Variants in PDE8B observed in about 807,000 individuals in gnomAD.
PDE8B encodes the protein phosphodiesterase 8B, also known as high affinity cAMP-specific and IBMX-insensitive 3',5'-cyclic phosphodiesterase 8B.
In PDE8B, 26 loss-of-function variants were observed where a neutral mutation model predicts 101.3. That is an observed-to-expected ratio of 0.26 (90% CI 0.19 to 0.36). The LOEUF is 0.36. Among genes scored for constraint, PDE8B ranks in the 10% least tolerant of loss-of-function variants. The pLI is 1.00. For missense variants in PDE8B, 810 were observed against 1,163.1 expected, an observed-to-expected ratio of 0.70 and a Z score of 4.42; for synonymous variants, 424 against 429.3, an observed-to-expected ratio of 0.99 and a Z score of 0.15.
chr5:77,131,048 G>A, the PDE8B span: 2 of 152,530 alleles, frequency 1.3e-5, no homozygotes, highest in African/African-American at 4.8e-5. Context: ...TACCTGCAAT[G>A]TCTCTAACCT....
At chr5:77,109,083 CT>C in the PDE8B span, among the ~76,000 whole-genome samples, 1 of 152,130 alleles carries the variant, frequency 6.6e-6, no homozygotes, top group African/African-American at 2.4e-5. Context: ...GAGTTTTGTT[CT>C]GAGGCAAAGG....
the PDE8B span, among the ~76,000 whole-genome samples, chr5:77,093,915 G>T: frequency 3.3e-5 from 5 of 152,028 alleles, no homozygotes; most frequent in African/African-American, 1.2e-4. Context: ...TTTGGCCGCC[G>T]GGAGGGCTGA....
chr5:77,356,902 C>T (rs572010520), intron 10 of PDE8B, among the ~76,000 whole-genome samples: 5 of 152,236 alleles, frequency 3.3e-5, no homozygotes, highest in South Asian at 2.1e-4. Flanking sequence ...TTGCAGGTGA[C>T]GGGATGCTAA....
Position 77,351,161 on chromosome 5 carries a change from C to T in PDE8B, c.1106+8C>T, listed in dbSNP as rs1307776040. On this transcript the variant is annotated splice_region_variant and intron_variant, in intron 9 of 21. Transcript: ENST00000264917. ...AGTGATTGGCCAAGGAGGGTGAGAG[C>T]AAACTGTTCAACTCTTTTAGCTGAA... 6.3e-7 allele frequency: 1 copy of T among 1,594,818 alleles called. No homozygotes were observed. Among genetic ancestry groups the T allele is most frequent in the Admixed American group, 1.7e-5 (1 of 60,008 alleles).
intron 10 of PDE8B, among the ~76,000 whole-genome samples, chr5:77,355,808 A>C (rs1782004707): frequency 1.3e-5 from 2 of 152,384 alleles, no homozygotes; most frequent in South Asian, 2.1e-4. Context: ...ATGTGAATCA[A>C]GCACTGGAGG....
the PDE8B span, among the ~76,000 whole-genome samples, chr5:77,204,317 G>A: frequency 2.0e-5 from 3 of 151,284 alleles, no homozygotes; most frequent in Admixed American, 6.6e-5. Context: ...AGGCTGAGGC[G>A]GGAGAATCAC....
chr5:77,401,543 T>A (rs1792281799), intron 11 of PDE8B, among the ~76,000 whole-genome samples: 1 of 152,238 alleles, frequency 6.6e-6, no homozygotes, highest in Admixed American at 6.5e-5. Context: ...CTTAAATTTC[T>A]TATCAGTAAA....
chr5:77,307,430 T>C (rs892726412), intron 1 of PDE8B, among the ~76,000 whole-genome samples: 2 of 152,134 alleles, frequency 1.3e-5, no homozygotes, highest in Admixed American at 6.5e-5. Flanking sequence ...CAAGCAAAAG[T>C]GAGTGATAGA....
the PDE8B span, among the ~76,000 whole-genome samples, chr5:77,166,218 G>A: frequency 4.4e-5 from 4 of 90,190 alleles, no homozygotes; most frequent in Admixed American, 1.1e-4. Flanking sequence ...AGATTCTTTC[G>A]GTAAAGATAA....
upstream of PDE8B, among the ~76,000 whole-genome samples, chr5:77,209,673 G>A (rs1747848452): frequency 6.6e-6 from 1 of 152,158 alleles, no homozygotes; most frequent in African/African-American, 2.4e-5. Context: ...GCCTCACCAA[G>A]GAGAATGAGG....
chr5:77,374,842 C>T (rs1184612880), intron 10 of PDE8B, among the ~76,000 whole-genome samples: 1 of 152,232 alleles, frequency 6.6e-6, no homozygotes, highest in East Asian at 1.9e-4. Context: ...GTCCTTCACT[C>T]TGTCTCTGGC....
intron 8 of PDE8B, 65 bp from the exon 9 acceptor site, chr5:77,350,994 TCTGAGA>T: frequency 1.9e-6 from 2 of 1,077,110 alleles, no homozygotes; most frequent in South Asian, 2.5e-5. Context: ...TTCTCAGCCT[TCTGAGA>T]CCCTCTGCAG....
In PDE8B at chr5:77,344,967, A is replaced by T. The variant is rs537974977; in HGVS notation, c.876+36A>T. Reference sequence around the variant, plus strand: ...AAACCACCTCTATCATTAACATTCAAAATGAACCTTTCAGGTTTAAGCCAC... The same window carrying T: ...AAACCACCTCTATCATTAACATTCATAATGAACCTTTCAGGTTTAAGCCAC... On this transcript the variant is annotated intron_variant, in intron 7 of 21. Coordinates refer to ENST00000264917, the MANE Select transcript of PDE8B (RefSeq NM_003719.5). 377 of 1,379,004 alleles carry T rather than the reference A, an allele frequency of 2.7e-4. 6 individuals carry two copies. In the South Asian group the frequency reaches 4.3e-3, roughly 16 times the overall value. The allele number at this position is 1,379,004 out of a possible 1,614,324, so 85.4% of individuals were successfully genotyped here.
chr5:77,314,031 T>A (rs1773265376), intron 2 of PDE8B, among the ~76,000 whole-genome samples: 1 of 152,214 alleles, frequency 6.6e-6, no homozygotes, highest in Non-Finnish European at 1.5e-5. Flanking sequence ...TCTAAGAGTT[T>A]TATAGTTTTA....
At position 77,326,484 on chromosome 5, in the gene PDE8B, T is replaced by C. The variant is rs148603545; in HGVS notation, c.590+755T>C. ...GGTGAGAAAATGGCTTTTTAGACTT[T>C]GGTACCCTGACAAGAAATTAGTGGA... On this transcript the variant is annotated intron_variant, in intron 3 of 21. Transcript: ENST00000264917. 1.2e-3 allele frequency among the ~76,000 whole-genome samples: 190 copies of C among 152,340 alleles called. 1 individual carries two copies. The highest frequency in any genetic ancestry group is 4.3e-3 in the African/African-American group (177 of 41,586).
At chr5:77,345,572 A>G (rs918674226) in intron 7 of PDE8B, among the ~76,000 whole-genome samples, 29 of 152,236 alleles carry the variant, frequency 1.9e-4, no homozygotes, top group African/African-American at 6.3e-4. Flanking sequence ...ATTTTCAAAG[A>G]CATTCATTTG....
At chr5:77,411,993 A>T in intron 15 of PDE8B, 107 bp from the exon 16 acceptor site, 1 of 1,129,238 alleles carries the variant, frequency 8.9e-7, no homozygotes, top group Admixed American at 1.7e-5. Context: ...CAGAAAAATC[A>T]GGTACAAGAC....
At chr5:77,137,676 G>T in the PDE8B span, among the ~76,000 whole-genome samples, 3 of 152,144 alleles carry the variant, frequency 2.0e-5, no homozygotes, top group Non-Finnish European at 4.4e-5. Flanking sequence ...GAAACATAAA[G>T]TCACACCTTT....
At chr5:77,227,364 C>T (rs1328429344) in intron 1 of PDE8B, among the ~76,000 whole-genome samples, 2 of 152,020 alleles carry the variant, frequency 1.3e-5, no homozygotes, top group African/African-American at 2.4e-5. Context: ...TTTCTTGGCT[C>T]ACAAGTTGTA....
Sources: gnomAD v4.1 joint callset for allele counts (sites outside exome capture counted in the v4.1 genomes callset) on GRCh38, gnomAD v4.1.1 for gene constraint, MANE v1.5 for transcripts, NCBI Gene and HGNC (gene_info 2026-07-23, HGNC 2026-07-21) for gene names.